The following PDE4D variants were observed in gnomAD, a reference collection of about 807,000 sequenced individuals.
PDE4D encodes 3',5'-cyclic-AMP phosphodiesterase 4D.
Under a neutral mutation model 87.4 loss-of-function variants are expected in PDE4D, and 24 were observed. The observed-to-expected ratio is 0.27, with a 90% CI of 0.20 to 0.39. PDE4D has a LOEUF of 0.39. PDE4D is among the 10% of genes least tolerant of loss of function. PDE4D has a pLI of 1.00. For missense variants in PDE4D, 714 were observed against 1,041.0 expected (o/e 0.69, Z 4.32); for synonymous variants, 384 against 383.2 (o/e 1.00, Z -0.02).
At chr5:59,542,915 C>G (rs1162112160) in intron 1 of PDE4D, among the ~76,000 whole-genome samples, 1 of 152,124 alleles carries the variant, frequency 6.6e-6, no homozygotes, top group African/African-American at 2.4e-5. Flanking sequence ...TCAACTGAAA[C>G]AAGCCGCCTC....
At chr5:59,660,289 T>C (rs1745027772) in intron 1 of PDE4D, among the ~76,000 whole-genome samples, 1 of 152,176 alleles carries the variant, frequency 6.6e-6, no homozygotes, top group Non-Finnish European at 1.5e-5. Flanking sequence ...AGTATTTTAT[T>C]CTAATGAACT....
At position 59,932,978 on chromosome 5, in the gene PDE4D, G is replaced by T. The variant is rs145892530; in HGVS notation, c.272+55510C>A. Reference sequence around the variant, plus strand: ...AAATGGTGAAATCTCCCTTTTCTGGGGCAGCAACAGGCTTCTGGAGCCATA... The same window carrying T: ...AAATGGTGAAATCTCCCTTTTCTGGTGCAGCAACAGGCTTCTGGAGCCATA... On this transcript the variant is annotated intron_variant, in intron 3 of 16. Transcript: ENST00000502484. Among the ~76,000 whole-genome samples the T allele has an allele frequency of 3.2e-3, 428 of 131,904 alleles. 9 individuals carry two copies. The East Asian group carries it at 0.053, about 16-fold the overall frequency. The allele number at this position is 131,904 out of a possible 152,430, so 86.5% of individuals were successfully genotyped here. A position where few individuals can be genotyped will look rare whatever the true frequency, so the allele number is the denominator to read the frequency against.
At chr5:60,146,326 C>T (rs562771373) in intron 2 of PDE4D, among the ~76,000 whole-genome samples, 1 of 152,352 alleles carries the variant, frequency 6.6e-6, no homozygotes, top group South Asian at 2.1e-4. Context: ...TCTATTTCTA[C>T]ATCGTGCAAT....
chr5:60,302,606 CA>C (rs1754003424), intron 1 of PDE4D, among the ~76,000 whole-genome samples: 2 of 151,952 alleles, frequency 1.3e-5, no homozygotes, highest in African/African-American at 4.8e-5. Flanking sequence ...TAATTATTTT[CA>C]AAACACCAGC....
chr5:59,395,160 G>A lies in PDE4D; in HGVS notation c.456-179192C>T, dbSNP rs183305295. ...GCAGCGGCGAGGCTGGGGGAGGGGC[G>A]CCCACCATTGTCCAGGCTTGCTTAG... On this transcript the variant is annotated intron_variant, in intron 1 of 14. Transcript: ENST00000340635. Among the ~76,000 whole-genome samples, 5 of 151,700 alleles carry A rather than the reference G, an allele frequency of 3.3e-5. No homozygotes were observed. The Middle Eastern group carries it at 0.01, about 314-fold the overall frequency.
At chr5:59,146,210 AC>A (rs1207536531) in intron 5 of PDE4D, among the ~76,000 whole-genome samples, 1 of 152,190 alleles carries the variant, frequency 6.6e-6, no homozygotes, top group African/African-American at 2.4e-5. Context: ...TATACACATA[AC>A]TGTAGGAAGC....
intron 1 of PDE4D, among the ~76,000 whole-genome samples, chr5:59,706,421 C>T (rs1753418022): frequency 6.6e-6 from 1 of 152,042 alleles, no homozygotes; most frequent in Non-Finnish European, 1.5e-5. Flanking sequence ...CCTTCTTGAA[C>T]AACACTGGGA....
intron 1 of PDE4D, among the ~76,000 whole-genome samples, chr5:59,326,380 T>G (rs1480295127): frequency 1.3e-5 from 2 of 152,120 alleles, no homozygotes; most frequent in Non-Finnish European, 2.9e-5. Context: ...GCTTTAAAAA[T>G]ACATTATTAT....
At chr5:59,994,977 G>A (rs1763385788) in intron 2 of PDE4D, among the ~76,000 whole-genome samples, 1 of 152,052 alleles carries the variant, frequency 6.6e-6, no homozygotes, top group African/African-American at 2.4e-5. Flanking sequence ...AGCACTTACA[G>A]TTCATTTGAG....
rs753689968 is a variant in PDE4D, at chr5:59,196,201, G to A, written c.648-2665C>T. 1.7e-4 allele frequency among the ~76,000 whole-genome samples: 26 copies of A among 152,180 alleles called. 1 individual carries two copies. Among genetic ancestry groups the A allele is most frequent in the Non-Finnish European group, 3.7e-4 (25 of 68,024 alleles). The stretch of plus-strand genomic sequence containing the variant: ...TCAGCTGTTACAACAATGTTGCAAG[G>A]TAGGTGACATTACTCCCATTTTTCA... On this transcript the variant is annotated intron_variant, in intron 2 of 14. Coordinates refer to ENST00000340635, the MANE Select transcript of PDE4D (RefSeq NM_001104631.2).
intron 1 of PDE4D, among the ~76,000 whole-genome samples, chr5:60,520,654 G>T (rs1189085588): frequency 2.6e-5 from 4 of 152,226 alleles, no homozygotes; most frequent in Admixed American, 2.6e-4. Context: ...TTCTGCTTTG[G>T]CACTGAGGAG....
At chr5:59,019,009 A>G (rs1170408448) in intron 6 of PDE4D, among the ~76,000 whole-genome samples, 1 of 150,496 alleles carries the variant, frequency 6.6e-6, no homozygotes, top group Non-Finnish European at 1.5e-5. Context: ...ATTTCCGCTT[A>G]GATACATAGC....
chr5:60,421,946 G>A (rs774113010), intron 1 of PDE4D, among the ~76,000 whole-genome samples: 1 of 152,186 alleles, frequency 6.6e-6, no homozygotes, highest in African/African-American at 2.4e-5. Context: ...GGATATCACT[G>A]ACTGAAGATC....
intron 1 of PDE4D, among the ~76,000 whole-genome samples, chr5:60,511,313 C>G (rs912892840): frequency 6.6e-6 from 1 of 152,026 alleles, no homozygotes; most frequent in African/African-American, 2.4e-5. Flanking sequence ...GTTAGAGACT[C>G]AATAAATGCT....
chr5:59,613,047 G>A (rs1396828731), intron 1 of PDE4D, among the ~76,000 whole-genome samples: 6 of 152,216 alleles, frequency 3.9e-5, no homozygotes, highest in African/African-American at 1.4e-4. Context: ...TCACTCTGCT[G>A]AGGGGTGCAA....
At chr5:60,157,028 T>C (rs1461451718) in intron 2 of PDE4D, among the ~76,000 whole-genome samples, 2 of 152,146 alleles carry the variant, frequency 1.3e-5, no homozygotes, top group African/African-American at 4.8e-5. Flanking sequence ...AATATATTAA[T>C]AGAATTAAAA....
At chr5:60,124,945 T>A (rs1156307581) in intron 2 of PDE4D, among the ~76,000 whole-genome samples, 1 of 152,166 alleles carries the variant, frequency 6.6e-6, no homozygotes, top group African/African-American at 2.4e-5. Flanking sequence ...TAAAACACTA[T>A]CTTCATTGAC....
chr5:59,122,141 C>CAAAAAAAAAAAAAAAA (rs56284898), intron 5 of PDE4D, among the ~76,000 whole-genome samples: 3 of 71,592 alleles, frequency 4.2e-5, no homozygotes, highest in East Asian at 5.5e-4. Context: ...GACTCTATCT[C>CAAAAAAAAAAAAAAAA]AAAAAAAAAA....
At chr5:59,096,451 T>C (rs1447604093) in intron 5 of PDE4D, among the ~76,000 whole-genome samples, 1 of 152,162 alleles carries the variant, frequency 6.6e-6, no homozygotes, top group African/African-American at 2.4e-5. Context: ...TTTTGAAAAA[T>C]AACACCCTGA....
Sources: gnomAD v4.1 joint callset for allele counts (sites outside exome capture counted in the v4.1 genomes callset) on GRCh38, gnomAD v4.1.1 for gene constraint, MANE v1.5 for transcripts, NCBI Gene and HGNC (gene_info 2026-07-23, HGNC 2026-07-21) for gene names.